The following DMC1 variants were observed in gnomAD, a reference collection of about 807,000 sequenced individuals.
The protein encoded by DMC1 is meiotic recombination protein DMC1 homolog.
In DMC1, 27 loss-of-function variants were observed where a neutral mutation model predicts 50.1. The observed-to-expected ratio is 0.54, with a 90% CI of 0.40 to 0.74. DMC1 has a LOEUF of 0.74. DMC1 is among the 30% of genes least tolerant of loss of function. The pLI is 0.00. For synonymous variants in DMC1, 148 were observed against 136.1 expected (o/e 1.09, Z -0.61); for missense variants, 295 against 420.2 (o/e 0.70, Z 2.60).
Position 38,520,038 on chromosome 22 carries a change from A to G in DMC1, c.1005T>C (p.Ile335=). The change falls in exon 14 of 14, where the codon ATT becomes ATC. Residue 335 remains isoleucine, a synonymous_variant. Transcript: ENST00000216024. Reference sequence around the variant, plus strand: ...TCACCACCTACTCCTTGGCATCCCCAATTCCTCCAGCAGTTATTGCGAAGG... The same window carrying G: ...TCACCACCTACTCCTTGGCATCCCCGATTCCTCCAGCAGTTATTGCGAAGG... The part of the protein sequence containing the change: ...EATFAITAGG[I]GDAKE The G allele has an allele frequency of 1.2e-6, 2 of 1,613,726 alleles. No individual in the cohort carries two copies. The highest frequency in any genetic ancestry group is 1.7e-6 in the Non-Finnish European group (2 of 1,179,724).
chr22:38,530,899 G>C (rs557479562), intron 12 of DMC1, among the ~76,000 whole-genome samples: 1 of 152,146 alleles, frequency 6.6e-6, no homozygotes, highest in Non-Finnish European at 1.5e-5. Context: ...GTGAAACCCT[G>C]TCTCTACTAA....
intron 7 of DMC1, among the ~76,000 whole-genome samples, chr22:38,550,917 CAA>C (rs1233260732): frequency 2.9e-5 from 2 of 68,956 alleles, no homozygotes; most frequent in African/African-American, 1.2e-4. Context: ...GGTGATAGAT[CAA>C]GACTCCATCT....
intron 8 of DMC1, among the ~76,000 whole-genome samples, chr22:38,548,466 T>G (rs1356492935): frequency 6.6e-6 from 1 of 152,088 alleles, no homozygotes; most frequent in East Asian, 1.9e-4. Context: ...TTCCAGCTAC[T>G]CAGAAGGCTG....
At chr22:38,537,256 C>G (rs972954312) in intron 12 of DMC1, among the ~76,000 whole-genome samples, 14 of 151,996 alleles carry the variant, frequency 9.2e-5, no homozygotes, top group African/African-American at 3.4e-4. Flanking sequence ...CTCTGTTTCC[C>G]AGACAGGAGT....
At chr22:38,537,292 C>T (rs2090224849) in intron 12 of DMC1, among the ~76,000 whole-genome samples, 1 of 152,160 alleles carries the variant, frequency 6.6e-6, no homozygotes, top group African/African-American at 2.4e-5. Flanking sequence ...CGGCTTACTA[C>T]AACCTCCACC....
At chr22:38,569,132 C>T (rs1255152506) in intron 1 of DMC1, among the ~76,000 whole-genome samples, 1 of 148,222 alleles carries the variant, frequency 6.7e-6, no homozygotes. Flanking sequence ...TGCACTGAGC[C>T]GAGATCATGC....
At chr22:38,553,101 G>GC (rs914211896) in intron 6 of DMC1, among the ~76,000 whole-genome samples, 2 of 151,716 alleles carry the variant, frequency 1.3e-5, no homozygotes, top group Non-Finnish European at 2.9e-5. Context: ...GCCCACCTCA[G>GC]CCTCCCAAAG....
rs149919053 is a variant in DMC1 at position 38,566,689 on chromosome 22, G to C, written c.144C>G (p.Ile48Met). 1 of 1,612,478 alleles carries C rather than the reference G, an allele frequency of 6.2e-7. No individual in the cohort carries two copies. Among genetic ancestry groups the C allele is most frequent in the Admixed American group, 1.7e-5 (1 of 59,996 alleles). The change falls in exon 4 of 14, where the codon ATC becomes ATG. Residue 48 changes from isoleucine (I) to methionine (M), a missense_variant. Ile to Met is a conservative substitution (Grantham distance 10, BLOSUM62 1). Transcript: ENST00000216024. Reference sequence around the variant, plus strand: ...TTCTTGTTGTCATCTGTATACCTTTGATGGTACAGATTCCTACTGATTTCA... The same window carrying C: ...TTCTTGTTGTCATCTGTATACCTTTCATGGTACAGATTCCTACTGATTTCA... ...KKLKSVGICT[I>M]KGIQMTTRRA...
At chr22:38,544,330 A>G (rs751347137) in intron 8 of DMC1, among the ~76,000 whole-genome samples, 20 of 152,200 alleles carry the variant, frequency 1.3e-4, no homozygotes, top group Non-Finnish European at 2.2e-4. Flanking sequence ...AGATAGATGC[A>G]TATCTGATTG....
intron 5 of DMC1, among the ~76,000 whole-genome samples, chr22:38,557,953 G>GTTTT (rs1555940699): frequency 3.2e-5 from 3 of 94,976 alleles, no homozygotes; most frequent in East Asian, 3.3e-4. Flanking sequence ...ATTAGACAAA[G>GTTTT]TTCTTTTTTT....
In DMC1 at chr22:38,521,640, T is replaced by C. The variant is rs1430214819; in HGVS notation, c.921A>G (p.Arg307=). The C allele has an allele frequency of 9.9e-6, 16 of 1,613,340 alleles. No individual in the cohort carries two copies. The highest frequency in any genetic ancestry group is 1.4e-5 in the Non-Finnish European group (16 of 1,179,718). ...AAATCTTGGCAATTCTGAGCTCTCC[T>C]CTTCCCTTTCGCAAGCTTATTCTTG... ...STTRISLRKG[R]GELRIAKIYD... The change falls in exon 13 of 14, where the codon AGA becomes AGG. Residue 307 remains arginine, a synonymous_variant. Coordinates refer to ENST00000216024, the MANE Select transcript of DMC1 (RefSeq NM_007068.4).
chr22:38,542,387 G>T (rs978330258), intron 8 of DMC1, among the ~76,000 whole-genome samples: 1 of 151,942 alleles, frequency 6.6e-6, no homozygotes, highest in African/African-American at 2.4e-5. Flanking sequence ...ACAAAAATCA[G>T]CAGCATTTCT....
chr22:38,539,562 G>A, intron 8 of DMC1, 150 bp from the exon 9 acceptor site: 1 of 703,358 alleles, frequency 1.4e-6, no homozygotes, highest in Non-Finnish European at 2.5e-6. Context: ...ACCATTTAAA[G>A]TCTATACAAG....
At chr22:38,520,378 T>A (rs2090011272) in intron 13 of DMC1, among the ~76,000 whole-genome samples, 1 of 152,094 alleles carries the variant, frequency 6.6e-6, no homozygotes, top group Non-Finnish European at 1.5e-5. Flanking sequence ...TTTAATTTTT[T>A]TTTTTTGGCG....
chr22:38,561,585 G>A (rs994658919), intron 5 of DMC1, among the ~76,000 whole-genome samples: 2 of 152,148 alleles, frequency 1.3e-5, no homozygotes, highest in Admixed American at 1.3e-4. Flanking sequence ...TTGGGGCAAA[G>A]GTCAGAAGTT....
At chr22:38,522,069 A>G (rs1379301232) in intron 12 of DMC1, among the ~76,000 whole-genome samples, 1 of 151,820 alleles carries the variant, frequency 6.6e-6, no homozygotes, top group Non-Finnish European at 1.5e-5. Flanking sequence ...CTCCTGTCTC[A>G]GCCTCCCAGG....
At chr22:38,520,754 A>G (rs1472106354) in intron 13 of DMC1, among the ~76,000 whole-genome samples, 5 of 152,184 alleles carry the variant, frequency 3.3e-5, no homozygotes, top group Admixed American at 6.5e-5. Flanking sequence ...TTATGACTAG[A>G]CTAATGTAGG....
chr22:38,566,702 C>A lies in DMC1; in HGVS notation c.131G>T (p.Gly44Val), dbSNP rs756693430. 4.3e-6 allele frequency: 7 copies of A among 1,613,736 alleles called. No individual in the cohort carries two copies. Among genetic ancestry groups the A allele is most frequent in the Middle Eastern group, 3.3e-4 (2 of 6,060 alleles). ...CTGTATACCTTTGATGGTACAGATT[C>A]CTACTGATTTCAGTTTCTTAATGTC... ...VADIKKLKSV[G>V]ICTIKGIQMT... Residue 44 changes from glycine (G) to valine (V), a missense_variant, in exon 4 of 14, where the codon GGA (glycine) becomes GTA (valine). By Grantham distance (109) the Gly-to-Val change is moderately radical (BLOSUM62 -3). Transcript: ENST00000216024.
At chr22:38,548,156 CTCTCTA>C (rs1242797092) in intron 8 of DMC1, among the ~76,000 whole-genome samples, 2 of 152,198 alleles carry the variant, frequency 1.3e-5, no homozygotes, top group East Asian at 1.9e-4. Flanking sequence ...CCTCTCTTCT[CTCTCTA>C]TAAGTTCTCT....
Sources: gnomAD v4.1 joint callset for allele counts (sites outside exome capture counted in the v4.1 genomes callset) on GRCh38, gnomAD v4.1.1 for gene constraint, MANE v1.5 for transcripts, NCBI Gene and HGNC (gene_info 2026-07-23, HGNC 2026-07-21) for gene names.